Variants in TENT2 observed in about 807,000 individuals in gnomAD.
TENT2 encodes terminal nucleotidyltransferase 2.
A neutral mutation model predicts 72.2 loss-of-function variants in TENT2; 44 were observed. That is an observed-to-expected ratio of 0.61 (90% CI 0.48 to 0.78). TENT2 has a LOEUF of 0.78. Among genes scored for constraint, TENT2 ranks in the 30% least tolerant of loss-of-function variants. The pLI is 0.00. For synonymous variants in TENT2, 212 were observed against 192.5 expected (o/e 1.10, Z -0.84); for missense variants, 541 against 569.6 (o/e 0.95, Z 0.51).
At chr5:79,635,250 C>T (rs977315026) in intron 4 of TENT2, among the ~76,000 whole-genome samples, 3 of 152,068 alleles carry the variant, frequency 2.0e-5, no homozygotes, top group African/African-American at 7.2e-5. Flanking sequence ...CTCTTTTTGT[C>T]TCATCTGAAC....
At chr5:79,669,531 T>A (rs897192392) in intron 12 of TENT2, among the ~76,000 whole-genome samples, 1 of 152,168 alleles carries the variant, frequency 6.6e-6, no homozygotes, top group African/African-American at 2.4e-5. Context: ...AAACAAAGAA[T>A]GTATAATCAG....
chr5:79,634,876 TCTTA>T (rs2150279323), intron 4 of TENT2, among the ~76,000 whole-genome samples: 1 of 151,016 alleles, frequency 6.6e-6, no homozygotes, highest in African/African-American at 2.4e-5. Context: ...TGAGATGGGG[TCTTA>T]CTAAGTTACC....
intron 12 of TENT2, among the ~76,000 whole-genome samples, chr5:79,679,020 C>T (rs903846420): frequency 6.6e-6 from 1 of 152,192 alleles, no homozygotes; most frequent in African/African-American, 2.4e-5. Context: ...ATTCCCCTGC[C>T]TCAGCCTCCT....
At chr5:79,656,121 C>T (rs1403430701) in intron 10 of TENT2, among the ~76,000 whole-genome samples, 1 of 151,798 alleles carries the variant, frequency 6.6e-6, no homozygotes, top group Non-Finnish European at 1.5e-5. Flanking sequence ...AAATGTATTA[C>T]TTGTATTTTA....
intron 11 of TENT2, among the ~76,000 whole-genome samples, chr5:79,668,244 A>G (rs774092611): frequency 1.3e-5 from 2 of 152,008 alleles, no homozygotes; most frequent in Non-Finnish European, 2.9e-5. Flanking sequence ...TTTTATAAAT[A>G]TTATGGTAAA....
chr5:79,626,026 A>G (rs1000420705), intron 4 of TENT2, among the ~76,000 whole-genome samples: 2 of 151,834 alleles, frequency 1.3e-5, no homozygotes, highest in African/African-American at 2.4e-5. Context: ...ACGGGGTTTC[A>G]CCATGTTGGT....
intron 4 of TENT2, among the ~76,000 whole-genome samples, chr5:79,630,618 A>G (rs149082480): frequency 6.6e-6 from 1 of 152,162 alleles, no homozygotes. Context: ...GAGAGAGGAA[A>G]TAGCATGTTT....
At chr5:79,629,839 A>G (rs1380783858) in intron 4 of TENT2, among the ~76,000 whole-genome samples, 1 of 149,654 alleles carries the variant, frequency 6.7e-6, no homozygotes. Flanking sequence ...AAAAAAAATA[A>G]TAACCATACA....
chr5:79,623,787 A>G (rs1290993350), intron 4 of TENT2: 1 of 217,246 alleles, frequency 4.6e-6, no homozygotes, highest in African/African-American at 2.3e-5. Flanking sequence ...CTGAAAAAAA[A>G]AAAAGTTGTC....
chr5:79,666,594 G>A (rs576407739), intron 11 of TENT2, among the ~76,000 whole-genome samples: 1 of 152,126 alleles, frequency 6.6e-6, no homozygotes, highest in South Asian at 2.1e-4. Context: ...GTCTCAGTAA[G>A]TTGCCTAAGC....
intron 4 of TENT2, among the ~76,000 whole-genome samples, chr5:79,637,516 T>C (rs1487462906): frequency 3.9e-5 from 6 of 152,258 alleles, no homozygotes; most frequent in African/African-American, 1.4e-4. Context: ...AACCTCGACC[T>C]CCCAGGCTCA....
chr5:79,651,586 G>GCACA (rs140508195), intron 10 of TENT2, among the ~76,000 whole-genome samples: 1 of 151,532 alleles, frequency 6.6e-6, no homozygotes, highest in Non-Finnish European at 1.5e-5. Flanking sequence ...TCCACTTTTG[G>GCACA]CACACACACA....
chr5:79,660,213 A>G (rs1309083580), intron 11 of TENT2, among the ~76,000 whole-genome samples: 2 of 151,760 alleles, frequency 1.3e-5, no homozygotes, highest in Non-Finnish European at 2.9e-5. Flanking sequence ...TTGTCTCTAA[A>G]AACTGTATTA....
chr5:79,646,083 CCTT>C (rs1788727569), intron 8 of TENT2, among the ~76,000 whole-genome samples: 1 of 152,118 alleles, frequency 6.6e-6, no homozygotes. Context: ...AAACAAATAA[CCTT>C]CTCACAGTCT....
At chr5:79,644,282 G>C (rs1471339060) in intron 7 of TENT2, among the ~76,000 whole-genome samples, 1 of 151,952 alleles carries the variant, frequency 6.6e-6, no homozygotes, top group Non-Finnish European at 1.5e-5. Flanking sequence ...AAGCCCAGCT[G>C]ATATATATTC....
intron 4 of TENT2, among the ~76,000 whole-genome samples, chr5:79,633,161 A>G (rs1776916411): frequency 6.6e-6 from 1 of 152,180 alleles, no homozygotes; most frequent in Admixed American, 6.5e-5. Context: ...TTAAACTTTT[A>G]TTACACATCT....
chr5:79,621,002 T>G (rs751400560), intron 3 of TENT2, among the ~76,000 whole-genome samples: 2 of 152,138 alleles, frequency 1.3e-5, no homozygotes, highest in Non-Finnish European at 2.9e-5. Context: ...GAAATAACAT[T>G]CGGCAATATT....
At chr5:79,621,262 T>G (rs1487117935) in intron 3 of TENT2, among the ~76,000 whole-genome samples, 1 of 152,222 alleles carries the variant, frequency 6.6e-6, no homozygotes, top group Non-Finnish European at 1.5e-5. Flanking sequence ...ACACAAAGGT[T>G]AAGTAACTAC....
chr5:79,666,995 C>G (rs1808675658), intron 11 of TENT2, among the ~76,000 whole-genome samples: 1 of 152,158 alleles, frequency 6.6e-6, no homozygotes, highest in East Asian at 1.9e-4. Context: ...TGACCTGACT[C>G]TTTGTGTGTG....
Sources: allele counts gnomAD v4.1 joint callset (sites outside exome capture counted in the v4.1 genomes callset), GRCh38; gene constraint gnomAD v4.1.1; transcripts MANE v1.5; gene names NCBI Gene and HGNC (gene_info 2026-07-23, HGNC 2026-07-21).